Variants in NSUN7 observed in about 807,000 individuals in gnomAD.
NSUN7 encodes the protein protein NSUN7.
Under a neutral mutation model 58.5 loss-of-function variants are expected in NSUN7, and 39 were observed. The ratio of observed to expected loss-of-function variants is 0.67; its 90% CI spans 0.52 to 0.87. The LOEUF (loss-of-function observed/expected upper bound fraction) is 0.87. Ranked by LOEUF, NSUN7 falls within the 40% of genes least tolerant of loss-of-function variation. The probability of loss-of-function intolerance (pLI) is 0.00; values close to 1 mark genes in which losing one functional copy is unlikely to be tolerated. For synonymous variants in NSUN7, 278 were observed against 303.7 expected (o/e 0.92, Z 0.88); for missense variants, 765 against 844.1 (o/e 0.91, Z 1.16).
chr4:40,794,990 C>T lies in NSUN7; in HGVS notation c.1282+514C>T, dbSNP rs138899495. Among the ~76,000 whole-genome samples, 655 of 152,326 alleles carry T rather than the reference C, an allele frequency of 4.3e-3. 4 individuals are homozygous for T. Among genetic ancestry groups the T allele is most frequent in the African/African-American group, 0.014 (577 of 41,576 alleles). On this transcript the variant is annotated intron_variant, in intron 9 of 11. Transcript: ENST00000381782. ...ATTTATATCATTGCTTTAATCACTT[C>T]ATTTAGATTTTGAGTACCACTGCCT...
intron 2 of NSUN7, among the ~76,000 whole-genome samples, chr4:40,757,668 TTGTG>T (rs1229044233): frequency 6.9e-6 from 1 of 145,230 alleles, no homozygotes; most frequent in Admixed American, 6.9e-5. Flanking sequence ...TATATATACA[TTGTG>T]TGTATATATA....
intron 4 of NSUN7, among the ~76,000 whole-genome samples, chr4:40,764,056 T>G (rs6858783): frequency 1.3e-5 from 2 of 151,358 alleles, no homozygotes; most frequent in Non-Finnish European, 2.9e-5. Flanking sequence ...TTGTTTTTTT[T>G]AATTTTTTAA....
intron 4 of NSUN7, among the ~76,000 whole-genome samples, chr4:40,768,087 C>G (rs1741822253): frequency 6.6e-6 from 1 of 152,222 alleles, no homozygotes; most frequent in Non-Finnish European, 1.5e-5. Context: ...AGGAAGCCAA[C>G]TCTATCTGCC....
intron 4 of NSUN7, among the ~76,000 whole-genome samples, chr4:40,773,865 C>T (rs1236267996): frequency 6.6e-6 from 1 of 152,006 alleles, no homozygotes; most frequent in Non-Finnish European, 1.5e-5. Flanking sequence ...GGAGTGGAAT[C>T]TCGGTTCACT....
intron 8 of NSUN7, among the ~76,000 whole-genome samples, chr4:40,792,064 A>T (rs895879679): frequency 3.9e-4 from 59 of 152,332 alleles, no homozygotes; most frequent in African/African-American, 1.4e-3. Flanking sequence ...TTCTTTCCAG[A>T]GAGACTTCAG....
chr4:40,781,326 C>T (rs1577567009), intron 7 of NSUN7, among the ~76,000 whole-genome samples: 1 of 152,304 alleles, frequency 6.6e-6, no homozygotes, highest in East Asian at 1.9e-4. Context: ...GCTGGGATTA[C>T]AGGTGTGAGC....
chr4:40,808,935 TTTGA>T lies in NSUN7; in HGVS notation c.2157_*3del, dbSNP rs751477944. 1.5e-5 allele frequency: 23 copies of T among 1,514,642 alleles called. No homozygotes were observed. The highest frequency in any genetic ancestry group is 7.3e-5 in the South Asian group (6 of 82,068). 93.8% of individuals were successfully genotyped at this position (1,514,642 alleles called of 1,614,324 possible). On this transcript the variant is annotated frameshift_variant and stop_lost, in exon 12 of 12. Transcript: ENST00000381782. LOFTEE classifies it high-confidence loss of function. ...CTACTCAGGCCTCCTCGGCGATGGC[TTTGA>T]TTGTCTTGTGTTTTTTATAGGGGCC...
rs1345436363 is a variant in NSUN7, at chr4:40,807,157, T to A, written c.1497T>A (p.Gly499=). The A allele has an allele frequency of 6.5e-7, 1 of 1,549,064 alleles. No homozygotes were observed. Among genetic ancestry groups the A allele is most frequent in the South Asian group, 1.2e-5 (1 of 83,624 alleles). The change falls in exon 11 of 12, where the codon GGT becomes GGA. Residue 499 remains glycine, a synonymous_variant. Transcript: ENST00000381782. ...TGGAACCATCTGAAATTACCAATGG[T>A]TGTTTTCTTTCTATTTTAACAAGGG... is the stretch of plus-strand genomic sequence containing the variant. The part of the protein sequence containing the change: ...FRMEPSEITN[G]CFLSILTRER...
At chr4:40,753,272 T>C (rs1029956824) in intron 2 of NSUN7, among the ~76,000 whole-genome samples, 1 of 151,818 alleles carries the variant, frequency 6.6e-6, no homozygotes, top group African/African-American at 2.4e-5. Context: ...TGTAATTATT[T>C]TATCTTTCTT....
chr4:40,794,666 C>A (rs1034431039), intron 9 of NSUN7, among the ~76,000 whole-genome samples, 190 bp downstream of exon 9: 3 of 152,110 alleles, frequency 2.0e-5, no homozygotes, highest in Admixed American at 2.0e-4. Flanking sequence ...AGAATATATG[C>A]TTTACTGTAA....
chr4:40,771,375 C>G (rs1742001263), intron 4 of NSUN7, among the ~76,000 whole-genome samples: 1 of 152,200 alleles, frequency 6.6e-6, no homozygotes, highest in Non-Finnish European at 1.5e-5. Flanking sequence ...GCTTGACTCT[C>G]TCTTTCTACC....
intron 10 of NSUN7, 59 bp from the exon 11 acceptor site, chr4:40,807,002 T>C (rs1743832284): frequency 6.6e-7 from 1 of 1,523,746 alleles, no homozygotes; most frequent in African/African-American, 1.4e-5. Context: ...ATTTACTTTC[T>C]TCCTCTCTTG....
chr4:40,760,774 T>C (rs1741416795), intron 3 of NSUN7, among the ~76,000 whole-genome samples: 1 of 151,438 alleles, frequency 6.6e-6, no homozygotes, highest in South Asian at 2.1e-4. Flanking sequence ...AGCAGGAGAA[T>C]TGCTTGAAAA....
chr4:40,773,563 G>A lies in NSUN7; in HGVS notation c.489-702G>A, dbSNP rs529010672. On this transcript the variant is annotated intron_variant, in intron 4 of 11. Transcript: ENST00000381782. ...CTGGGTGTGGTGGTGCACACCTGTA[G>A]TCCCAGCAACTCGGGAGGCTGAGGT... Among the ~76,000 whole-genome samples the A allele has an allele frequency of 2.0e-5, 3 of 151,746 alleles. No homozygotes were observed. In the South Asian group the frequency reaches 6.3e-4, roughly 32 times the overall value.
rs373811241 is a variant in NSUN7 at position 40,794,745 on chromosome 4, G to C, written c.1282+269G>C. Among the ~76,000 whole-genome samples, 8 of 152,272 alleles carry C rather than the reference G, an allele frequency of 5.3e-5. No homozygotes were observed. In the South Asian group the frequency reaches 1.7e-3, roughly 32 times the overall value. The stretch of plus-strand genomic sequence containing the variant: ...CGAAGTGAAATAATTATGTATATTT[G>C]TAATTGTAGTTTCAGCTTTCCTGTT... On this transcript the variant is annotated intron_variant, in intron 9 of 11. Transcript: ENST00000381782.
rs1458873297 is a variant in NSUN7 at position 40,806,940 on chromosome 4, G to A, written c.1401-121G>A. The A allele has an allele frequency of 1.4e-5, 14 of 995,122 alleles. No homozygotes were observed. In the East Asian group the frequency reaches 3.9e-4, roughly 28 times the overall value. The allele number at this position is 995,122 out of a possible 1,614,324, so 61.6% of individuals were successfully genotyped here. On this transcript the variant is annotated intron_variant, in intron 10 of 11. Coordinates refer to ENST00000381782, the MANE Select transcript of NSUN7 (RefSeq NM_024677.6). ...CTGCTTCAGAATTGTGTTCTTGATT[G>A]GAATTTCTGTTTAAACGATTGGTAA... is the stretch of plus-strand genomic sequence containing the variant.
At chr4:40,751,126 A>C in intron 2 of NSUN7, 135 bp downstream of exon 2, 1 of 908,538 alleles carries the variant, frequency 1.1e-6, no homozygotes, top group South Asian at 1.7e-5. Flanking sequence ...TCTTTGGTTA[A>C]TTGCAAGTGT....
rs1401778385 is a variant in NSUN7 at position 40,780,807 on chromosome 4, ATATATATTTTTT to A, written c.1036+4550_1036+4561del. On this transcript the variant is annotated intron_variant, in intron 7 of 11. Transcript: ENST00000381782. The stretch of plus-strand genomic sequence containing the variant: ...CACACATACACATATATATATATAT[ATATATATTTTTT>A]TTTTTTTTTTTTTTTTTTGAGACGG... 1.3e-3 allele frequency among the ~76,000 whole-genome samples: 133 copies of A among 100,604 alleles called. 1 individual carries two copies. Among genetic ancestry groups the A allele is most frequent in the African/African-American group, 4.6e-3 (119 of 25,854 alleles). The allele number at this position is 100,604 out of a possible 152,430, so 66.0% of individuals were successfully genotyped here.
chr4:40,770,188 T>A (rs113708038), intron 4 of NSUN7, among the ~76,000 whole-genome samples: 42,398 of 127,766 alleles, frequency 0.33, 6,501 homozygotes, highest in Middle Eastern at 0.44. Flanking sequence ...GCAGCCTAGA[T>A]AACAAGAGGG....
Sources: allele counts gnomAD v4.1 joint callset (sites outside exome capture counted in the v4.1 genomes callset), GRCh38; gene constraint gnomAD v4.1.1; transcripts MANE v1.5; gene names NCBI Gene and HGNC (gene_info 2026-07-23, HGNC 2026-07-21).